Variants in EIF4E3 observed in about 807,000 individuals in gnomAD.
EIF4E3 encodes eukaryotic translation initiation factor 4E family member 3.
EIF4E3 carries 26 observed loss-of-function variants against 31.7 expected under a neutral mutation model. The observed-to-expected ratio is 0.82, with a 90% CI of 0.60 to 1.14. The LOEUF is 1.14. Among genes scored for constraint, EIF4E3 ranks in the 50% most tolerant of loss-of-function variants. The probability of loss-of-function intolerance (pLI) is 0.00; values close to 1 mark genes in which losing one functional copy is unlikely to be tolerated. For missense variants in EIF4E3, 304 were observed against 270.9 expected, an observed-to-expected ratio of 1.12 and a Z score of -0.86; for synonymous variants, 128 against 107.7, an observed-to-expected ratio of 1.19 and a Z score of -1.17.
intron 1 of EIF4E3, among the ~76,000 whole-genome samples, chr3:71,744,656 A>T (rs2049853415): frequency 6.6e-6 from 1 of 152,214 alleles, no homozygotes; most frequent in Admixed American, 6.5e-5. Context: ...GAGGCAGAAG[A>T]ATCACTTGAA....
chr3:71,706,554 T>C (rs75724314), intron 2 of EIF4E3, among the ~76,000 whole-genome samples: 1 of 152,166 alleles, frequency 6.6e-6, no homozygotes, highest in African/African-American at 2.4e-5. Flanking sequence ...AAGTGGTTCA[T>C]GCCTGTAATC....
At chr3:71,706,887 T>A (rs17008969) in intron 2 of EIF4E3, among the ~76,000 whole-genome samples, 21,921 of 152,100 alleles carry the variant, frequency 0.14, 1,724 homozygotes, top group East Asian at 0.37. Flanking sequence ...CAAAAGCATA[T>A]CCTCAAATTA....
At chr3:71,706,634 T>C (rs747322696) in intron 2 of EIF4E3, among the ~76,000 whole-genome samples, 18 of 151,998 alleles carry the variant, frequency 1.2e-4, no homozygotes, top group East Asian at 1.9e-4. Flanking sequence ...CTGAGCAACA[T>C]AGCAAGACCC....
chr3:71,696,454 A>T lies in EIF4E3; in HGVS notation c.405+6T>A. On this transcript the variant is annotated splice_donor_region_variant and intron_variant, in intron 4 of 6. Coordinates refer to ENST00000425534, the MANE Select transcript of EIF4E3 (RefSeq NM_001134651.2). The stretch of plus-strand genomic sequence containing the variant: ...CGGTTCTAGAAGAGGATCAGTAGGA[A>T]CCTACCGTGCTGTCCTTGGGGACTT... The T allele has an allele frequency of 6.2e-7, 1 of 1,613,984 alleles. No homozygotes were observed. The highest frequency in any genetic ancestry group is 8.5e-7 in the Non-Finnish European group (1 of 1,179,974).
intron 1 of EIF4E3, among the ~76,000 whole-genome samples, chr3:71,710,987 G>T (rs1375580570): frequency 1.2e-4 from 19 of 152,202 alleles, no homozygotes. Context: ...GGTTTCATAT[G>T]AATTTGCTGT....
the EIF4E3 span, among the ~76,000 whole-genome samples, chr3:71,666,762 C>A: frequency 1.3e-5 from 2 of 152,060 alleles, no homozygotes; most frequent in African/African-American, 4.8e-5. Flanking sequence ...CATGGTGAAA[C>A]CCCGTCTCTA....
intron 4 of EIF4E3, among the ~76,000 whole-genome samples, chr3:71,696,062 C>T (rs534548009): frequency 1.6e-4 from 25 of 152,178 alleles, no homozygotes; most frequent in African/African-American, 5.8e-4. Flanking sequence ...CTCAGAACTG[C>T]TTTTGTTCCC....
intron 1 of EIF4E3, among the ~76,000 whole-genome samples, chr3:71,721,233 T>TG (rs2049543604): frequency 6.6e-6 from 1 of 152,216 alleles, no homozygotes; most frequent in South Asian, 2.1e-4. Flanking sequence ...AACAACACCC[T>TG]GTTCAGGGTA....
In EIF4E3 at chr3:71,722,597, G is replaced by A. The variant is rs145414980; in HGVS notation, c.176+2595C>T. The stretch of plus-strand genomic sequence containing the variant: ...TCTAAAATTACCTTCCTCAAATGCC[G>A]AAATCCTTAACCATACAGTCTAATT... On this transcript the variant is annotated intron_variant, in intron 1 of 6. Coordinates refer to ENST00000425534, the MANE Select transcript of EIF4E3 (RefSeq NM_001134651.2). Among the ~76,000 whole-genome samples, 1,291 of 152,306 alleles carry A rather than the reference G, an allele frequency of 8.5e-3. 15 individuals are homozygous for A. The highest frequency in any genetic ancestry group is 0.024 in the African/African-American group (1,004 of 41,572).
rs763951290 is a variant in EIF4E3, at chr3:71,690,041, G to T, written c.597C>A (p.Pro199=). ...TVLEKIYELL[P]HITFKAVFYK... is the part of the protein sequence containing the mutation. ...AAAATACTGCTTTAAAAGTTATGTG[G>T]GGCAGAAGTTCATAGATCTTTTCTA... Residue 199 remains proline, a synonymous_variant, in exon 6 of 7, where the codon CCC becomes CCA. Coordinates refer to ENST00000425534, the MANE Select transcript of EIF4E3 (RefSeq NM_001134651.2). 1.2e-6 allele frequency: 2 copies of T among 1,612,764 alleles called. No homozygotes were observed. The highest frequency in any genetic ancestry group is 1.1e-5 in the South Asian group (1 of 90,908).
intron 1 of EIF4E3, among the ~76,000 whole-genome samples, chr3:71,733,580 G>C (rs2049729432): frequency 6.6e-6 from 1 of 152,140 alleles, no homozygotes; most frequent in Non-Finnish European, 1.5e-5. Context: ...AAGACCTCCT[G>C]TACCATCTTT....
rs1472724640 is a variant in EIF4E3 at position 71,677,242 on chromosome 3, T to C, written c.*7440A>G. ...AATAGAAACATATTTTAATGACATA[T>C]ATTTTAACTTGCTGGCCCTTGCAAA... On this transcript the variant is annotated 3_prime_UTR_variant, in exon 7 of 7. Coordinates refer to ENST00000425534, the MANE Select transcript of EIF4E3 (RefSeq NM_001134651.2). 1 of 152,260 alleles carries C rather than the reference T, an allele frequency of 6.6e-6. No homozygotes were observed. Among genetic ancestry groups the C allele is most frequent in the South Asian group, 2.1e-4 (1 of 4,836 alleles). 9.4% of individuals were successfully genotyped at this position (152,260 alleles called of 1,614,324 possible). A position where few individuals can be genotyped will look rare whatever the true frequency, so the allele number is the denominator to read the frequency against.
chr3:71,703,934 G>A (rs917709862), intron 2 of EIF4E3, among the ~76,000 whole-genome samples: 4 of 152,144 alleles, frequency 2.6e-5, no homozygotes, highest in African/African-American at 7.2e-5. Flanking sequence ...CTAGTTGCCT[G>A]GGGCTTCCCA....
At chr3:71,685,319 T>C (rs1366447769) in intron 6 of EIF4E3, among the ~76,000 whole-genome samples, 3 of 152,178 alleles carry the variant, frequency 2.0e-5, no homozygotes, top group South Asian at 2.1e-4. Context: ...AGACCTATCA[T>C]CTGGCTTGCA....
At chr3:71,670,400 C>CTCCT in the EIF4E3 span, among the ~76,000 whole-genome samples, 2 of 152,142 alleles carry the variant, frequency 1.3e-5, no homozygotes, top group Non-Finnish European at 2.9e-5. Flanking sequence ...CTTCCTAAAT[C>CTCCT]TCCTCCATTG....
chr3:71,694,039 C>A, intron 4 of EIF4E3, 98 bp from the exon 5 acceptor site: 1 of 1,214,562 alleles, frequency 8.2e-7, no homozygotes, highest in Non-Finnish European at 1.1e-6. Flanking sequence ...TCTTCAACTT[C>A]ACATGCACTT....
intron 5 of EIF4E3, 144 bp from the exon 6 acceptor site, chr3:71,690,309 G>C: frequency 2.1e-6 from 2 of 940,500 alleles, no homozygotes; most frequent in Non-Finnish European, 3.0e-6. Context: ...AGAAATAATT[G>C]TTTCTATGGG....
Position 71,686,543 on chromosome 3 carries a change from A to AGAGT in EIF4E3, c.629-1816_629-1815insACTC, listed in dbSNP as rs1553659503. Among the ~76,000 whole-genome samples, 28 of 143,600 alleles carry AGAGT rather than the reference A, an allele frequency of 1.9e-4. No individual in the cohort carries two copies. The South Asian group carries it at 5.4e-3, about 28-fold the overall frequency. 94.2% of individuals were successfully genotyped at this position (143,600 alleles called of 152,430 possible). A position where few individuals can be genotyped will look rare whatever the true frequency, so the allele number is the denominator to read the frequency against. ...TTAACTTTGCAAATATTTCACATTG[A>AGAGT]GTGTGTGTGTGTGTGTGTGTGTGTG... On this transcript the variant is annotated intron_variant, in intron 6 of 6. Transcript: ENST00000425534.
At chr3:71,703,319 T>C (rs2049244299) in intron 2 of EIF4E3, among the ~76,000 whole-genome samples, 1 of 152,178 alleles carries the variant, frequency 6.6e-6, no homozygotes, top group Non-Finnish European at 1.5e-5. Context: ...GCACCTCTCC[T>C]GGAGAAACTG....
Sources: allele counts gnomAD v4.1 joint callset (sites outside exome capture counted in the v4.1 genomes callset), GRCh38; gene constraint gnomAD v4.1.1; transcripts MANE v1.5; gene names NCBI Gene and HGNC (gene_info 2026-07-23, HGNC 2026-07-21).